FER: variants seen among roughly 807,000 people sequenced by gnomAD.
FER encodes the protein tyrosine-protein kinase Fer.
FER carries 63 observed loss-of-function variants against 111.0 expected under a neutral mutation model. The observed-to-expected ratio is 0.57, with a 90% CI of 0.46 to 0.70. FER has a LOEUF of 0.70. FER is among the 30% of genes least tolerant of loss of function. The pLI is 0.00. For missense variants in FER, 914 were observed against 954.0 expected (o/e 0.96, Z 0.55); for synonymous variants, 327 against 313.9 (o/e 1.04, Z -0.44).
intron 2 of FER, among the ~76,000 whole-genome samples, chr5:108,794,102 G>T (rs1488061651): frequency 1.3e-5 from 2 of 150,728 alleles, no homozygotes; most frequent in African/African-American, 2.4e-5. Context: ...AATATTCTTT[G>T]TTTTTTTGGT....
intron 1 of FER, among the ~76,000 whole-genome samples, chr5:108,763,856 T>C (rs189185733): frequency 1.3e-5 from 2 of 152,354 alleles, no homozygotes; most frequent in Non-Finnish European, 2.9e-5. Context: ...TTCAGACATT[T>C]CTCCGTTTCT....
intron 16 of FER, among the ~76,000 whole-genome samples, chr5:109,086,906 T>G (rs55930293): frequency 0.19 from 27,807 of 149,652 alleles, 2,728 homozygotes; most frequent in Non-Finnish European, 0.22. Flanking sequence ...CTTCTTAGCT[T>G]GTGTATGGTC....
At chr5:108,911,080 T>C (rs1351958222) in intron 10 of FER, among the ~76,000 whole-genome samples, 1 of 152,138 alleles carries the variant, frequency 6.6e-6, no homozygotes, top group Non-Finnish European at 1.5e-5. Flanking sequence ...TAATTTACAT[T>C]CCCACCAACA....
In FER at chr5:108,937,179, T is replaced by C. The variant is rs1755582212; in HGVS notation, c.1237-8951T>C. ...AGCATTTATTTTAATATTTTAATAATTTGAGTTAAGAAACCAATAAATCCC... is the reference window on the plus strand; with the variant it reads ...AGCATTTATTTTAATATTTTAATAACTTGAGTTAAGAAACCAATAAATCCC... On this transcript the variant is annotated intron_variant, in intron 10 of 19. Coordinates refer to ENST00000281092, the MANE Select transcript of FER (RefSeq NM_005246.4). Among the ~76,000 whole-genome samples the C allele has an allele frequency of 2.6e-5, 4 of 152,020 alleles. No individual in the cohort carries two copies. The South Asian group carries it at 8.3e-4, about 31-fold the overall frequency.
intron 13 of FER, among the ~76,000 whole-genome samples, chr5:108,992,058 G>A (rs975379421): frequency 3.6e-4 from 54 of 152,016 alleles, no homozygotes; most frequent in East Asian, 5.8e-4. Flanking sequence ...GGTACTTGAG[G>A]TTAGGGAGTG....
At chr5:109,062,753 C>T (rs1477688253) in intron 16 of FER, among the ~76,000 whole-genome samples, 1 of 152,098 alleles carries the variant, frequency 6.6e-6, no homozygotes, top group Non-Finnish European at 1.5e-5. Context: ...TCAGTCTCAA[C>T]TTTTTCTTTC....
intron 17 of FER, among the ~76,000 whole-genome samples, chr5:109,169,881 C>A (rs1000620937): frequency 2.1e-4 from 32 of 152,160 alleles, no homozygotes; most frequent in African/African-American, 7.7e-4. Flanking sequence ...AGTACAAAGT[C>A]AGTGGCATCC....
At chr5:109,088,676 C>T (rs1268742112) in intron 16 of FER, among the ~76,000 whole-genome samples, 2 of 152,202 alleles carry the variant, frequency 1.3e-5, no homozygotes, top group Admixed American at 6.5e-5. Flanking sequence ...CTTCCATATG[C>T]ATAAATCATT....
chr5:108,861,804 A>G (rs1763550152), intron 5 of FER, among the ~76,000 whole-genome samples: 1 of 152,182 alleles, frequency 6.6e-6, no homozygotes, highest in African/African-American at 2.4e-5. Context: ...TTTTATTTGT[A>G]ACATTGGTTT....
At chr5:108,843,360 A>G (rs948625226) in intron 5 of FER, among the ~76,000 whole-genome samples, 1 of 152,156 alleles carries the variant, frequency 6.6e-6, no homozygotes, top group Non-Finnish European at 1.5e-5. Flanking sequence ...TTCAATATCA[A>G]ATTATTCTGA....
Position 108,867,890 on chromosome 5 carries a change from T to C in FER, c.605T>C (p.Ile202Thr). 1 of 1,613,290 alleles carries C rather than the reference T, an allele frequency of 6.2e-7. No individual in the cohort carries two copies. The highest frequency in any genetic ancestry group is 8.5e-7 in the Non-Finnish European group (1 of 1,179,482). The change falls in exon 6 of 20, where the codon ATC (isoleucine) becomes ACC (threonine). Residue 202 changes from isoleucine to threonine, a missense_variant. This residue lies in a region of FER where 774 missense variants were observed against 782.6 expected (regional missense o/e 0.99). Transcript: ENST00000281092. ...CTCCATCAGAATCAGTATTATGATA[T>C]CACACTTCCCCTGCTTCTGGACTCC... ...AQLHQNQYYD[I>T]TLPLLLDSLQ... is the part of the protein sequence containing the mutation.
At chr5:109,039,982 G>A (rs1193138005) in intron 14 of FER, among the ~76,000 whole-genome samples, 1 of 152,142 alleles carries the variant, frequency 6.6e-6, no homozygotes, top group Non-Finnish European at 1.5e-5. Flanking sequence ...AGCAGTGGTG[G>A]TGGTGTGAAG....
At chr5:109,093,726 A>G (rs1482975179) in intron 16 of FER, among the ~76,000 whole-genome samples, 1 of 152,166 alleles carries the variant, frequency 6.6e-6, no homozygotes, top group Admixed American at 6.6e-5. Flanking sequence ...TCTTTTAAAA[A>G]TGTAAGGAAG....
intron 13 of FER, among the ~76,000 whole-genome samples, chr5:109,019,100 C>G (rs1193366326): frequency 6.6e-6 from 1 of 151,374 alleles, no homozygotes; most frequent in Non-Finnish European, 1.5e-5. Context: ...TTGAATGTAT[C>G]ATAGACAGCT....
chr5:108,946,106 AG>A, intron 10 of FER, 23 bp from the exon 11 acceptor site: 2 of 1,557,314 alleles, frequency 1.3e-6, no homozygotes, highest in Non-Finnish European at 1.8e-6. Context: ...CTGTTGCTGA[AG>A]GCTTGTTTCT....
chr5:108,911,328 T>A (rs780015143), intron 10 of FER, among the ~76,000 whole-genome samples: 36 of 152,306 alleles, frequency 2.4e-4, no homozygotes, highest in Admixed American at 4.6e-4. Flanking sequence ...GTTCATTTTT[T>A]TCTTGTGTTG....
intron 13 of FER, among the ~76,000 whole-genome samples, chr5:109,037,023 A>C (rs1191652312): frequency 6.6e-6 from 1 of 152,106 alleles, no homozygotes; most frequent in African/African-American, 2.4e-5. Context: ...GAGTAGAAAA[A>C]CAATTTCTAA....
chr5:109,163,747 A>C (rs906181988), intron 17 of FER, among the ~76,000 whole-genome samples: 6 of 152,110 alleles, frequency 3.9e-5, no homozygotes, highest in African/African-American at 1.4e-4. Context: ...CCGGCCTAAA[A>C]ATTTTTGAAT....
intron 5 of FER, among the ~76,000 whole-genome samples, chr5:108,851,956 A>G (rs1476976715): frequency 6.6e-6 from 1 of 152,208 alleles, no homozygotes; most frequent in Non-Finnish European, 1.5e-5. Context: ...ACACATGCCC[A>G]TGTCAGTCAG....
Sources: allele counts gnomAD v4.1 joint callset (sites outside exome capture counted in the v4.1 genomes callset), GRCh38; gene constraint gnomAD v4.1.1; regional missense constraint gnomAD v4.1.1; transcripts MANE v1.5; gene names NCBI Gene and HGNC (gene_info 2026-07-23, HGNC 2026-07-21).